Variants in STIM1 observed in about 807,000 individuals in gnomAD.
STIM1 encodes the protein stromal interaction molecule 1.
A neutral mutation model predicts 74.7 loss-of-function variants in STIM1; 25 were observed. The ratio of observed to expected loss-of-function variants is 0.33; its 90% CI spans 0.24 to 0.47. The LOEUF is 0.47. STIM1 is among the 20% of genes least tolerant of loss of function. The pLI is 1.00. For missense variants in STIM1, 728 were observed against 920.8 expected (o/e 0.79, Z 2.71); for synonymous variants, 328 against 348.8 (o/e 0.94, Z 0.66).
chr11:4,004,636 G>T (rs1271625975), intron 2 of STIM1, among the ~76,000 whole-genome samples: 1 of 151,080 alleles, frequency 6.6e-6, no homozygotes, highest in Non-Finnish European at 1.5e-5. Flanking sequence ...AAAAACCCTA[G>T]AAGAAAACCT....
chr11:3,915,796 G>A (rs1411910757), intron 1 of STIM1, among the ~76,000 whole-genome samples: 2 of 152,126 alleles, frequency 1.3e-5, no homozygotes, highest in African/African-American at 2.4e-5. Flanking sequence ...TGGCTCACAT[G>A]TGTAATCCCA....
intron 1 of STIM1, among the ~76,000 whole-genome samples, chr11:3,882,342 G>A (rs1348663028): frequency 9.9e-5 from 15 of 150,884 alleles, no homozygotes; most frequent in Admixed American, 9.9e-4. Flanking sequence ...CAGGTGATTC[G>A]CCCACCTCAG....
At chr11:3,940,895 A>G (rs564430626) in intron 1 of STIM1, among the ~76,000 whole-genome samples, 49 of 152,270 alleles carry the variant, frequency 3.2e-4, no homozygotes, top group African/African-American at 1.1e-3. Flanking sequence ...ATATATTTAT[A>G]TTTATAGAAA....
At chr11:4,001,139 G>C (rs2093712201) in intron 2 of STIM1, among the ~76,000 whole-genome samples, 1 of 152,154 alleles carries the variant, frequency 6.6e-6, no homozygotes. Context: ...TGGGGAGAAT[G>C]GAACCAAGTT....
At chr11:4,022,314 TG>T (rs2093962374) in intron 2 of STIM1, among the ~76,000 whole-genome samples, 1 of 122,304 alleles carries the variant, frequency 8.2e-6, no homozygotes, top group Admixed American at 1.0e-4. Flanking sequence ...GCAGCCTGGG[TG>T]ACAGAATAAG....
At chr11:3,884,400 G>A (rs1211934606) in intron 1 of STIM1, among the ~76,000 whole-genome samples, 1 of 152,164 alleles carries the variant, frequency 6.6e-6, no homozygotes, top group Non-Finnish European at 1.5e-5. Context: ...CAGTGTGGGA[G>A]CCAGCCAGAT....
chr11:3,933,267 T>C (rs546027815), intron 1 of STIM1, among the ~76,000 whole-genome samples: 119 of 152,308 alleles, frequency 7.8e-4, no homozygotes, highest in African/African-American at 2.8e-3. Flanking sequence ...CAGTGCAACA[T>C]TGTGGCCCTG....
chr11:4,015,433 C>A (rs2093886405), intron 2 of STIM1, among the ~76,000 whole-genome samples: 2 of 152,168 alleles, frequency 1.3e-5, no homozygotes, highest in African/African-American at 4.8e-5. Context: ...TGATGGGCTT[C>A]CCTTTGTGGG....
At chr11:4,034,012 C>T (rs959873897) in intron 3 of STIM1, among the ~76,000 whole-genome samples, 21 of 151,556 alleles carry the variant, frequency 1.4e-4, no homozygotes, top group African/African-American at 3.9e-4. Flanking sequence ...GGGTGGATCA[C>T]GAGGTCAGGA....
intron 2 of STIM1, among the ~76,000 whole-genome samples, chr11:3,976,991 C>T (rs1289476515): frequency 6.6e-6 from 1 of 152,044 alleles, no homozygotes; most frequent in Admixed American, 6.6e-5. Flanking sequence ...GATGGGGTTT[C>T]GCCATGTTGG....
chr11:3,904,377 C>T (rs1028925678), intron 1 of STIM1, among the ~76,000 whole-genome samples: 10 of 151,838 alleles, frequency 6.6e-5, no homozygotes, highest in South Asian at 2.1e-4. Flanking sequence ...CAGTGAATGA[C>T]GAGTTGTTCC....
At chr11:4,073,606 A>G (rs1222784483) in intron 6 of STIM1, among the ~76,000 whole-genome samples, 1 of 152,192 alleles carries the variant, frequency 6.6e-6, no homozygotes, top group Non-Finnish European at 1.5e-5. Context: ...CGGTGAATGA[A>G]TAGATGAATG....
chr11:4,082,083 A>G (rs1033066647), intron 7 of STIM1, 101 bp from the exon 8 acceptor site: 2 of 1,218,420 alleles, frequency 1.6e-6, no homozygotes, highest in African/African-American at 3.0e-5. Context: ...TTCCTGGGAG[A>G]GTTGTAAAGC....
chr11:3,933,667 G>A (rs571114121), intron 1 of STIM1, among the ~76,000 whole-genome samples: 20 of 152,212 alleles, frequency 1.3e-4, no homozygotes. Context: ...ATCCTGTTTG[G>A]TAGATAACCT....
At chr11:3,933,435 G>A (rs1328099161) in intron 1 of STIM1, among the ~76,000 whole-genome samples, 1 of 152,170 alleles carries the variant, frequency 6.6e-6, no homozygotes, top group East Asian at 1.9e-4. Flanking sequence ...AGTGAACTAA[G>A]TAAACAAGTA....
intron 2 of STIM1, among the ~76,000 whole-genome samples, chr11:4,005,929 T>G (rs2093775593): frequency 6.6e-6 from 1 of 152,174 alleles, no homozygotes; most frequent in African/African-American, 2.4e-5. Context: ...AGAGCTATTG[T>G]ACCTGAAATA....
chr11:3,989,607 A>G lies in STIM1; in HGVS notation c.270+21925A>G, dbSNP rs1207031027. 1.7e-5 allele frequency: 7 copies of G among 410,934 alleles called. No homozygotes were observed. The East Asian group carries it at 3.9e-4, about 23-fold the overall frequency. 25.5% of individuals were successfully genotyped at this position (410,934 alleles called of 1,614,324 possible). A position where few individuals can be genotyped will look rare whatever the true frequency, so the allele number is the denominator to read the frequency against. On this transcript the variant is annotated intron_variant, in intron 2 of 12. Coordinates refer to ENST00000526596, the MANE Select transcript of STIM1 (RefSeq NM_001382567.1). Reference sequence around the variant, plus strand: ...CAGAAGGGGCGGTGGGAGAACCCTGATTTTTACATTTTAAAATAGTTTAGG... The same window carrying G: ...CAGAAGGGGCGGTGGGAGAACCCTGGTTTTTACATTTTAAAATAGTTTAGG...
intron 1 of STIM1, among the ~76,000 whole-genome samples, chr11:3,923,627 G>A (rs2092748953): frequency 1.3e-5 from 2 of 150,426 alleles, no homozygotes; most frequent in Admixed American, 6.6e-5. Flanking sequence ...AAAAAAAAAG[G>A]TCATTCTTTC....
intron 1 of STIM1, among the ~76,000 whole-genome samples, chr11:3,949,868 G>T (rs569189323): frequency 6.6e-6 from 1 of 152,062 alleles, no homozygotes; most frequent in Admixed American, 6.6e-5. Flanking sequence ...AGTTTTACTT[G>T]TACTCATCTA....
Sources: gnomAD v4.1 joint callset for allele counts (sites outside exome capture counted in the v4.1 genomes callset) on GRCh38, gnomAD v4.1.1 for gene constraint, MANE v1.5 for transcripts, NCBI Gene and HGNC (gene_info 2026-07-23, HGNC 2026-07-21) for gene names.